The following PTPRF variants were observed in gnomAD, a reference collection of about 807,000 sequenced individuals.
The protein encoded by PTPRF is protein tyrosine phosphatase receptor type F.
A neutral mutation model predicts 201.8 loss-of-function variants in PTPRF; 59 were observed. That is an observed-to-expected ratio of 0.29 (90% confidence interval 0.24 to 0.36). The LOEUF is 0.36. Ranked by LOEUF, PTPRF falls within the 10% of genes least tolerant of loss-of-function variation. PTPRF has a pLI of 1.00. For synonymous variants in PTPRF, 1,088 were observed against 1,089.7 expected, an observed-to-expected ratio of 1.00 and a Z score of 0.03; for missense variants, 2,132 against 2,690.5, an observed-to-expected ratio of 0.79 and a Z score of 4.59.
intron 6 of PTPRF, among the ~76,000 whole-genome samples, chr1:43,577,028 T>C (rs1458642126): frequency 6.6e-6 from 1 of 152,172 alleles, no homozygotes; most frequent in Non-Finnish European, 1.5e-5. Flanking sequence ...GATTTGGGGA[T>C]TTCTGTATGC....
At chr1:43,532,435 G>A (rs1210675444) in intron 1 of PTPRF, 1 of 153,500 alleles carries the variant, frequency 6.5e-6, no homozygotes, top group East Asian at 1.9e-4. Context: ...GTTGAGGAAG[G>A]CTCCACTTTT....
Position 43,620,076 on chromosome 1 carries a change from A to G in PTPRF, c.5112-19A>G, listed in dbSNP as rs553169146. 4.5e-5 allele frequency: 72 copies of G among 1,613,670 alleles called. 1 individual carries two copies. The South Asian group carries it at 7.1e-4, about 16-fold the overall frequency. The stretch of plus-strand genomic sequence containing the variant: ...GGGCAGCAGCACCTCCAGCATGTCC[A>G]GTCTTATGTCCACCCCAGACAGCAG... On this transcript the variant is annotated intron_variant, in intron 29 of 33. Transcript: ENST00000359947.
chr1:43,563,033 CTGGG>C lies in PTPRF; in HGVS notation c.380-6554_380-6551del, dbSNP rs374440293. Among the ~76,000 whole-genome samples the C allele has an allele frequency of 5.8e-3, 881 of 152,000 alleles. 12 individuals carry two copies. Among genetic ancestry groups the C allele is most frequent in the African/African-American group, 0.019 (781 of 41,468 alleles). On this transcript the variant is annotated intron_variant, in intron 5 of 33. Transcript: ENST00000359947. ...TCTCTACTAAAACTGTAAAAATTAG[CTGGG>C]TGTGGTGGCAGGAGCCTGTAATCCC... is the stretch of plus-strand genomic sequence containing the variant.
intron 25 of PTPRF, among the ~76,000 whole-genome samples, chr1:43,618,217 T>C (rs1658345193): frequency 6.6e-6 from 1 of 152,176 alleles, no homozygotes; most frequent in Non-Finnish European, 1.5e-5. Context: ...GTTCCCCAGA[T>C]GCTGGAGTGT....
intron 6 of PTPRF, among the ~76,000 whole-genome samples, chr1:43,574,756 A>T (rs6678785): frequency 0.11 from 17,063 of 152,294 alleles, 1,159 homozygotes; most frequent in African/African-American, 0.18. Context: ...CCCAGGTCCC[A>T]GCCTTTGCCC....
intron 3 of PTPRF, among the ~76,000 whole-genome samples, chr1:43,551,412 TC>T (rs1239596498): frequency 6.6e-6 from 1 of 152,114 alleles, no homozygotes; most frequent in Non-Finnish European, 1.5e-5. Context: ...GCCTGGAGCC[TC>T]CTTCAAAGGG....
chr1:43,597,589 G>T (rs933012330), intron 11 of PTPRF, among the ~76,000 whole-genome samples, 159 bp from the exon 12 acceptor site: 5 of 152,132 alleles, frequency 3.3e-5, no homozygotes, highest in African/African-American at 1.2e-4. Flanking sequence ...TGTCCTTGGC[G>T]AGAGTGGCAG....
intron 17 of PTPRF, 76 bp downstream of exon 17, chr1:43,605,076 A>G: frequency 2.5e-6 from 4 of 1,584,368 alleles, no homozygotes; most frequent in Non-Finnish European, 3.5e-6. Flanking sequence ...GTCCTAACCC[A>G]TGTGCATCCG....
chr1:43,577,435 G>A (rs539086681), intron 6 of PTPRF, among the ~76,000 whole-genome samples: 7 of 152,286 alleles, frequency 4.6e-5, no homozygotes, highest in East Asian at 1.9e-4. Context: ...CTGGTCCTGT[G>A]TCCTGCATTG....
chr1:43,606,616 C>G (rs1274238253), intron 20 of PTPRF, among the ~76,000 whole-genome samples, 158 bp downstream of exon 20: 1 of 152,120 alleles, frequency 6.6e-6, no homozygotes, highest in Non-Finnish European at 1.5e-5. Flanking sequence ...CCCGGGGATC[C>G]TAAGACGCGG....
intron 5 of PTPRF, among the ~76,000 whole-genome samples, chr1:43,558,939 G>T (rs570867621): frequency 6.6e-6 from 1 of 152,292 alleles, no homozygotes; most frequent in Non-Finnish European, 1.5e-5. Flanking sequence ...GTGTGGGGAG[G>T]GCACTGATGA....
chr1:43,540,022 C>T (rs944322607), intron 2 of PTPRF, among the ~76,000 whole-genome samples: 1 of 152,072 alleles, frequency 6.6e-6, no homozygotes, highest in Non-Finnish European at 1.5e-5. Context: ...AGGTCAGGCT[C>T]TAGGCTCAAT....
At chr1:43,584,956 G>A (rs1395840207) in intron 7 of PTPRF, among the ~76,000 whole-genome samples, 1 of 152,250 alleles carries the variant, frequency 6.6e-6, no homozygotes, top group Non-Finnish European at 1.5e-5. Context: ...ATAGGGGGTT[G>A]TCAGCGCAAA....
At chr1:43,563,449 G>C (rs2153982477) in intron 5 of PTPRF, among the ~76,000 whole-genome samples, 1 of 152,286 alleles carries the variant, frequency 6.6e-6, no homozygotes, top group Admixed American at 6.5e-5. Context: ...GACATCTGAA[G>C]TTGGAATCTT....
intron 23 of PTPRF, among the ~76,000 whole-genome samples, chr1:43,614,576 C>T (rs558328287): frequency 6.6e-5 from 10 of 152,170 alleles, no homozygotes; most frequent in Non-Finnish European, 1.3e-4. Flanking sequence ...CCTGGCCAGG[C>T]GCAGTCGCTC....
chr1:43,619,946 G>T, intron 29 of PTPRF, 88 bp downstream of exon 29: 1 of 1,566,202 alleles, frequency 6.4e-7, no homozygotes, highest in Non-Finnish European at 8.7e-7. Flanking sequence ...AGTAGGGCCA[G>T]CCTAGAAGAC....
rs1649793811 is a variant in PTPRF at position 43,588,618 on chromosome 1, T to A, written c.680-113T>A. 2.9e-6 allele frequency: 4 copies of A among 1,389,040 alleles called. No homozygotes were observed. Among genetic ancestry groups the A allele is most frequent in the Non-Finnish European group, 2.9e-6 (3 of 1,034,608 alleles). The allele number at this position is 1,389,040 out of a possible 1,614,324, so 86.0% of individuals were successfully genotyped here. A position where few individuals can be genotyped will look rare whatever the true frequency, so the allele number is the denominator to read the frequency against. ...CTGGCGGTGCCACCCCTCCTGTCTC[T>A]GAGCATGGGTTTGGCTCTGACCAGA... On this transcript the variant is annotated intron_variant, in intron 7 of 33. Transcript: ENST00000359947. The surrounding 1 kb of genome is among the most constrained non-coding windows in gnomAD (Gnocchi z 5.3).
Position 43,598,860 on chromosome 1 carries a change from G to A in PTPRF, c.2260G>A (p.Gly754Ser). 6.2e-7 allele frequency: 1 copy of A among 1,614,166 alleles called. No individual in the cohort carries two copies. ...GGTCACCTACGTGCGGCTGGAGAAT[G>A]GCGAGCCCCGTGGACTCCCCATCAT... ...YQVTYVRLEN[G>S]EPRGLPIIQD... Residue 754 changes from glycine to serine, a missense_variant, in exon 13 of 34, where the codon GGC becomes AGC. This residue lies in a region of PTPRF where 818 missense variants were observed against 915.3 expected (regional missense o/e 0.89). Transcript: ENST00000359947.
rs769029754 is a variant in PTPRF, at chr1:43,598,791, C to G, written c.2191C>G (p.Leu731Val). Residue 731 changes from leucine to valine, a missense_variant, in exon 13 of 34, where the codon CTG (leucine) becomes GTG (valine). Coordinates refer to ENST00000359947, the MANE Select transcript of PTPRF (RefSeq NM_002840.5). ...CACTGCTGTGCATGTCTACTGGAAGCTGCCTGTCCCCAGCAAGCAGCATGG... is the reference window on the plus strand; with the variant it reads ...CACTGCTGTGCATGTCTACTGGAAGGTGCCTGTCCCCAGCAAGCAGCATGG... ...NSTAVHVYWK[L>V]PVPSKQHGQI... is the part of the protein sequence containing the mutation. The G allele has an allele frequency of 6.2e-7, 1 of 1,614,216 alleles. No homozygotes were observed. Among genetic ancestry groups the G allele is most frequent in the Non-Finnish European group, 8.5e-7 (1 of 1,180,034 alleles).
Sources: gnomAD v4.1 joint callset for allele counts (sites outside exome capture counted in the v4.1 genomes callset) on GRCh38, gnomAD v4.1.1 for gene constraint, gnomAD v4.1.1 regional missense constraint, Gnocchi (gnomAD v3.1) non-coding constraint, MANE v1.5 for transcripts, NCBI Gene and HGNC (gene_info 2026-07-23, HGNC 2026-07-21) for gene names.